The following TMEM200A variants were observed in gnomAD, a reference collection of about 807,000 sequenced individuals.
TMEM200A encodes the protein two transmembrane C.
A neutral mutation model predicts 24.3 loss-of-function variants in TMEM200A; 12 were observed. The observed-to-expected ratio is 0.49, with a 90% CI of 0.32 to 0.80. The LOEUF (loss-of-function observed/expected upper bound fraction) is 0.80. TMEM200A is among the 30% of genes least tolerant of loss of function. The pLI, the probability that TMEM200A is intolerant of heterozygous loss-of-function variation, is 0.04. For synonymous variants in TMEM200A, 224 were observed against 224.4 expected, an observed-to-expected ratio of 1.00 and a Z score of 0.02; for missense variants, 545 against 614.4, an observed-to-expected ratio of 0.89 and a Z score of 1.19.
intron 2 of TMEM200A, among the ~76,000 whole-genome samples, chr6:130,406,149 T>C (rs6908694): frequency 0.11 from 17,359 of 152,222 alleles, 1,328 homozygotes; most frequent in East Asian, 0.35. Context: ...TCTTGGCTCC[T>C]TTCCGTTTAC....
chr6:130,384,480 T>G (rs1458580539), intron 1 of TMEM200A, among the ~76,000 whole-genome samples: 4 of 152,110 alleles, frequency 2.6e-5, no homozygotes, highest in African/African-American at 9.7e-5. Context: ...CCCAGTGAAT[T>G]TTTTAATGTT....
intron 1 of TMEM200A, among the ~76,000 whole-genome samples, chr6:130,384,051 T>G (rs1371031391): frequency 6.6e-6 from 1 of 152,084 alleles, no homozygotes; most frequent in African/African-American, 2.4e-5. Flanking sequence ...ACCCAGGAAA[T>G]GGAGGTTGCA....
intron 2 of TMEM200A, among the ~76,000 whole-genome samples, chr6:130,426,085 C>T (rs192326070): frequency 6.6e-6 from 1 of 152,270 alleles, no homozygotes; most frequent in Non-Finnish European, 1.5e-5. Context: ...GTCATAAACT[C>T]ATTTTAAATA....
chr6:130,374,740 T>A (rs1023198449), intron 1 of TMEM200A, among the ~76,000 whole-genome samples: 1 of 152,120 alleles, frequency 6.6e-6, no homozygotes, highest in Non-Finnish European at 1.5e-5. Context: ...ATGCTTGAGA[T>A]TTTTCCCCTA....
chr6:130,409,023 A>G (rs1404994931), intron 2 of TMEM200A, among the ~76,000 whole-genome samples: 9 of 151,826 alleles, frequency 5.9e-5, no homozygotes, highest in African/African-American at 1.9e-4. Context: ...CTCACATGGC[A>G]CTCCTCTAAT....
intron 2 of TMEM200A, among the ~76,000 whole-genome samples, chr6:130,391,277 GTGGATTTTTATTTTGTTC>G (rs1316149364): frequency 6.6e-6 from 1 of 152,216 alleles, no homozygotes; most frequent in Non-Finnish European, 1.5e-5. Context: ...ATTATATGCA[GTGGATTTTTATTTTGTTC>G]TGGACCAAAA....
At chr6:130,396,364 GTTTT>G (rs77519811) in intron 2 of TMEM200A, among the ~76,000 whole-genome samples, 2 of 133,336 alleles carry the variant, frequency 1.5e-5, no homozygotes, top group Non-Finnish European at 3.3e-5. Flanking sequence ...TGACCAGTCT[GTTTT>G]TTTTTTTTTT....
intron 2 of TMEM200A, among the ~76,000 whole-genome samples, chr6:130,388,368 T>A (rs1562553932): frequency 6.6e-6 from 1 of 151,932 alleles, no homozygotes; most frequent in African/African-American, 2.4e-5. Flanking sequence ...TGTAGATGTT[T>A]CCCAAAGTGA....
chr6:130,440,476 C>G lies in TMEM200A; in HGVS notation c.54C>G (p.Asp18Glu), dbSNP rs139871677. The G allele has an allele frequency of 6.2e-7, 1 of 1,611,738 alleles. No homozygotes were observed. The highest frequency in any genetic ancestry group is 8.5e-7 in the Non-Finnish European group (1 of 1,179,004). ...ITGLAALKRQ[D>E]SARSQQHVNL... ...GCCTGGCCGCCTTGAAAAGGCAAGA[C>G]TCTGCCAGATCACAGCAGCATGTCA... Residue 18 changes from aspartate to glutamate, a missense_variant, in exon 3 of 3, where the codon GAC becomes GAG. Transcript: ENST00000296978.
intron 1 of TMEM200A, among the ~76,000 whole-genome samples, chr6:130,382,295 TCC>T (rs760172550): frequency 6.6e-6 from 1 of 152,166 alleles, no homozygotes; most frequent in Non-Finnish European, 1.5e-5. Context: ...GTTGTTCCCT[TCC>T]CTTTCGGCTC....
intron 2 of TMEM200A, among the ~76,000 whole-genome samples, chr6:130,400,095 C>CAT (rs574321495): frequency 2.0e-4 from 30 of 150,350 alleles, no homozygotes; most frequent in African/African-American, 2.9e-4. Flanking sequence ...TACAGATATA[C>CAT]ATATATATAT....
chr6:130,366,035 A>G lies in TMEM200A; in HGVS notation c.-570A>G, dbSNP rs973725390. The stretch of plus-strand genomic sequence containing the variant: ...GGGATCCATCTGGAGCCGAGCAGAA[A>G]ACTTTTCCCCTCCCGTTCCCGGTCC... On this transcript the variant is annotated 5_prime_UTR_variant, in exon 1 of 3. Transcript: ENST00000296978. The surrounding 1 kb of genome is among the most constrained non-coding windows in gnomAD (Gnocchi z 4.4). The G allele has an allele frequency of 2.1e-5, 21 of 985,478 alleles. No individual in the cohort carries two copies. The highest frequency in any genetic ancestry group is 2.4e-5 in the Non-Finnish European group (20 of 830,024). The allele number at this position is 985,478 out of a possible 1,614,324, so 61.0% of individuals were successfully genotyped here.
At chr6:130,372,554 G>A (rs1778346825) in intron 1 of TMEM200A, among the ~76,000 whole-genome samples, 1 of 152,154 alleles carries the variant, frequency 6.6e-6, no homozygotes, top group African/African-American at 2.4e-5. Context: ...ATGAGAAGTA[G>A]ATACATATAG....
At chr6:130,406,471 T>C (rs1427919283) in intron 2 of TMEM200A, among the ~76,000 whole-genome samples, 1 of 152,192 alleles carries the variant, frequency 6.6e-6, no homozygotes, top group Non-Finnish European at 1.5e-5. Flanking sequence ...TTTTTAAATA[T>C]AAATGAAATC....
At chr6:130,397,817 C>T (rs181987254) in intron 2 of TMEM200A, among the ~76,000 whole-genome samples, 410 of 151,062 alleles carry the variant, frequency 2.7e-3, no homozygotes, top group African/African-American at 9.5e-3. Flanking sequence ...CCTTCTGTTG[C>T]TTTGGAAGGT....
chr6:130,395,655 T>C (rs1411594242), intron 2 of TMEM200A, among the ~76,000 whole-genome samples: 3 of 152,224 alleles, frequency 2.0e-5, no homozygotes, highest in Non-Finnish European at 4.4e-5. Flanking sequence ...AAATTTCTGT[T>C]CATAACAATT....
rs1164763139 is a variant in TMEM200A at position 130,441,556 on chromosome 6, C to T, written c.1134C>T (p.Ala378=). The T allele has an allele frequency of 6.2e-7, 1 of 1,614,018 alleles. No homozygotes were observed. Among genetic ancestry groups the T allele is most frequent in the Non-Finnish European group, 8.5e-7 (1 of 1,179,972 alleles). ...GACAGCTCTTGTCTCCTGGGGCTGC[C>T]AGAAGACAGTTTGGGTCCAATACAT... The part of the protein sequence containing the change: ...GAGQLLSPGA[A]RRQFGSNTSL... Residue 378 remains alanine, a synonymous_variant, in exon 3 of 3, where the codon GCC becomes GCT. Transcript: ENST00000296978.
At chr6:130,404,626 G>A (rs1779163408) in intron 2 of TMEM200A, among the ~76,000 whole-genome samples, 1 of 152,122 alleles carries the variant, frequency 6.6e-6, no homozygotes, top group African/African-American at 2.4e-5. Context: ...TAGGTTGCCT[G>A]TTCACTCTGA....
rs760020025 is a variant in TMEM200A at position 130,440,474 on chromosome 6, G to A, written c.52G>A (p.Asp18Asn). Residue 18 changes from aspartate to asparagine, a missense_variant, in exon 3 of 3, where the codon GAC (aspartate) becomes AAC (asparagine). Physicochemically the swap from Asp to Asn is conservative, Grantham distance 23 (BLOSUM62 1). Transcript: ENST00000296978. ...TGGCCTGGCCGCCTTGAAAAGGCAA[G>A]ACTCTGCCAGATCACAGCAGCATGT... ...ITGLAALKRQ[D>N]SARSQQHVNL... 6.2e-7 allele frequency: 1 copy of A among 1,611,500 alleles called. No homozygotes were observed. Among genetic ancestry groups the A allele is most frequent in the Non-Finnish European group, 8.5e-7 (1 of 1,178,872 alleles).
Sources: allele counts gnomAD v4.1 joint callset (sites outside exome capture counted in the v4.1 genomes callset), GRCh38; gene constraint gnomAD v4.1.1; non-coding constraint Gnocchi (gnomAD v3.1); transcripts MANE v1.5; gene names NCBI Gene and HGNC (gene_info 2026-07-23, HGNC 2026-07-21).